Variants in MBD4 observed in about 807,000 individuals in gnomAD.
The protein encoded by MBD4 is methyl-CpG binding domain 4, DNA glycosylase, also known as methyl-CpG-binding domain protein 4.
Under a neutral mutation model 60.2 loss-of-function variants are expected in MBD4, and 53 were observed. The observed-to-expected ratio is 0.88, with a 90% confidence interval of 0.71 to 1.11. The LOEUF is 1.11. Among genes scored for constraint, MBD4 ranks in the 50% least tolerant of loss-of-function variants. The pLI is 0.00. For missense variants in MBD4, 619 were observed against 674.0 expected (o/e 0.92, Z 0.90); for synonymous variants, 231 against 229.8 (o/e 1.01, Z -0.05).
Position 129,432,504 on chromosome 3 carries a change from T to C in MBD4, c.1646A>G (p.Gln549Arg). The C allele has an allele frequency of 6.2e-7, 1 of 1,614,252 alleles. No homozygotes were observed. The highest frequency in any genetic ancestry group is 8.5e-7 in the Non-Finnish European group (1 of 1,180,034). The change falls in exon 7 of 8, where the codon CAG becomes CGG. Residue 549 changes from glutamine (Q) to arginine (R), a missense_variant and splice_region_variant. By Grantham distance (43) the Gln-to-Arg change is conservative. Coordinates refer to ENST00000429544, the MANE Select transcript of MBD4 (RefSeq NM_001276270.2). ...ATTATGGATGGGAGTGAGCCTCACC[T>C]GCTTCCACTCATTGACACAAAAAAT... ...YRIFCVNEWK[Q>R]VHPEDHKLNK...
chr3:129,438,761 A>AC (rs200774914), intron 1 of MBD4, among the ~76,000 whole-genome samples: 5,714 of 150,840 alleles, frequency 0.038, 314 homozygotes, highest in African/African-American at 0.12. Context: ...GAAAAAAAAA[A>AC]CCCAAAAAAA....
intron 1 of MBD4, among the ~76,000 whole-genome samples, chr3:129,438,302 T>C (rs1420218849): frequency 6.6e-6 from 1 of 152,160 alleles, no homozygotes; most frequent in Non-Finnish European, 1.5e-5. Context: ...CACCAGAAAA[T>C]GCTTAAATAA....
rs548156390 is a variant in MBD4, at chr3:129,438,288, T to C, written c.105-338A>G. On this transcript the variant is annotated intron_variant, in intron 1 of 7. Coordinates refer to ENST00000429544, the MANE Select transcript of MBD4 (RefSeq NM_001276270.2). Reference sequence around the variant, plus strand: ...GAATATGAACCAATAGCTAAGCTCTTAAGCACCAGAAAATGCTTAAATAAA... The same window carrying C: ...GAATATGAACCAATAGCTAAGCTCTCAAGCACCAGAAAATGCTTAAATAAA... 4.6e-5 allele frequency among the ~76,000 whole-genome samples: 7 copies of C among 152,350 alleles called. No individual in the cohort carries two copies. The East Asian group carries it at 1.3e-3, about 29-fold the overall frequency.
At position 129,437,895 on chromosome 3, in the gene MBD4, T is replaced by A; in HGVS notation, c.160A>T (p.Met54Leu). ...TTACATTCACTGCTTCTTTTTATCATCATTTGTTCCTCATCTTCTCCCACT... is the reference window on the plus strand; with the variant it reads ...TTACATTCACTGCTTCTTTTTATCAACATTTGTTCCTCATCTTCTCCCACT... ...ERVGEDEEQM[M>L]IKRSSECNPL... Residue 54 changes from methionine (M) to leucine (L), a missense_variant, in exon 2 of 8, where the codon ATG (methionine) becomes TTG (leucine). By Grantham distance (15) the Met-to-Leu change is conservative. Transcript: ENST00000429544. 1.2e-6 allele frequency: 2 copies of A among 1,614,092 alleles called. No homozygotes were observed. Among genetic ancestry groups the A allele is most frequent in the South Asian group, 1.1e-5 (1 of 91,086 alleles).
In MBD4 at chr3:129,434,152, A is replaced by G; in HGVS notation, c.1184-16T>C. 1 of 1,599,886 alleles carries G rather than the reference A, an allele frequency of 6.3e-7. No homozygotes were observed. The highest frequency in any genetic ancestry group is 8.6e-7 in the Non-Finnish European group (1 of 1,167,132). On this transcript the variant is annotated splice_polypyrimidine_tract_variant and intron_variant, in intron 3 of 7. Coordinates refer to ENST00000429544, the MANE Select transcript of MBD4 (RefSeq NM_001276270.2). ...ATGGTATCTTCTGAAAAGGAAAAGT[A>G]AACACTTTATGGAGTCTATGGTTTA...
intron 1 of MBD4, among the ~76,000 whole-genome samples, chr3:129,438,670 A>G (rs2072563855): frequency 6.6e-6 from 1 of 151,810 alleles, no homozygotes; most frequent in Non-Finnish European, 1.5e-5. Context: ...CTTTGGGAGG[A>G]GGAAGTGGGA....
chr3:129,432,728 AC>A, intron 6 of MBD4, 122 bp from the exon 7 acceptor site: 1 of 931,694 alleles, frequency 1.1e-6, no homozygotes, highest in Non-Finnish European at 1.7e-6. Context: ...TTTCCCAGCA[AC>A]CCCAGTTGTG....
intron 3 of MBD4, among the ~76,000 whole-genome samples, chr3:129,435,084 G>C (rs1434560862): frequency 6.6e-6 from 1 of 152,164 alleles, no homozygotes; most frequent in African/African-American, 2.4e-5. Context: ...TACAGATGAA[G>C]AAAGTGAAGC....
chr3:129,437,285 G>A lies in MBD4; in HGVS notation c.359C>T (p.Ser120Phe). ...FISPQGLKFRSKSSLANYLHK... is the reference protein window; with the variant it reads ...FISPQGLKFRFKSSLANYLHK... ...AAGATAATTAGCAAGTGAACTTTTG[G>A]ATCTGAACTTCAGTCCTTGTGGGCT... The change falls in exon 3 of 8, where the codon TCC becomes TTC. Residue 120 changes from serine to phenylalanine, a missense_variant. Coordinates refer to ENST00000429544, the MANE Select transcript of MBD4 (RefSeq NM_001276270.2). The A allele has an allele frequency of 6.2e-7, 1 of 1,607,796 alleles. No individual in the cohort carries two copies. The highest frequency in any genetic ancestry group is 8.5e-7 in the Non-Finnish European group (1 of 1,179,652).
chr3:129,434,283 A>C, intron 3 of MBD4, 147 bp from the exon 4 acceptor site: 1 of 705,302 alleles, frequency 1.4e-6, no homozygotes, highest in Non-Finnish European at 2.5e-6. Flanking sequence ...AATCTAACTA[A>C]TGACCCATGA....
At position 129,437,822 on chromosome 3, in the gene MBD4, G is replaced by A. The variant is rs907961857; in HGVS notation, c.233C>T (p.Ala78Val). 6.2e-7 allele frequency: 1 copy of A among 1,613,900 alleles called. No individual in the cohort carries two copies. The highest frequency in any genetic ancestry group is 1.3e-5 in the African/African-American group (1 of 75,022). Reference sequence around the variant, plus strand: ...GACAGACTTACGGCATTCTGTTCCTGCAGTAGCACCAAACTGAGCAGAAGC... The same window carrying A: ...GACAGACTTACGGCATTCTGTTCCTACAGTAGCACCAAACTGAGCAGAAGC... ...PIASAQFGAT[A>V]GTECRKSVPC... Residue 78 changes from alanine (A) to valine (V), a missense_variant, in exon 2 of 8, where the codon GCA (alanine) becomes GTA (valine). Ala to Val is a moderately conservative substitution (Grantham distance 64). Transcript: ENST00000429544.
intron 4 of MBD4, 32 bp from the exon 5 acceptor site, chr3:129,434,016 C>G: frequency 6.2e-7 from 1 of 1,614,118 alleles, no homozygotes; most frequent in Non-Finnish European, 8.5e-7. Context: ...GAATTGAAAA[C>G]CCAAAATGGA....
At position 129,431,483 on chromosome 3, in the gene MBD4, G is replaced by C; in HGVS notation, c.*18C>G. The C allele has an allele frequency of 1.2e-6, 2 of 1,600,114 alleles. No individual in the cohort carries two copies. The highest frequency in any genetic ancestry group is 1.7e-6 in the Non-Finnish European group (2 of 1,168,136). On this transcript the variant is annotated 3_prime_UTR_variant, in exon 8 of 8. Transcript: ENST00000429544. ...GTGCAAAGCTATGCATAACAGATGA[G>C]CTTGAAAGCTGCAGAGTTTAAGATA... is the stretch of plus-strand genomic sequence containing the variant.
Position 129,436,647 on chromosome 3 carries a change from T to A in MBD4, c.997A>T (p.Ile333Leu), listed in dbSNP as rs994641746. 1 of 1,614,190 alleles carries A rather than the reference T, an allele frequency of 6.2e-7. No individual in the cohort carries two copies. The highest frequency in any genetic ancestry group is 2.2e-5 in the East Asian group (1 of 44,880). The change falls in exon 3 of 8, where the codon ATA becomes TTA. Residue 333 changes from isoleucine to leucine, a missense_variant. Physicochemically the swap from Ile to Leu is conservative, Grantham distance 5 (BLOSUM62 2). Transcript: ENST00000429544. The stretch of plus-strand genomic sequence containing the variant: ...TCTTTGGCTGAACAAAATTTGTTTA[T>A]GATGCCAGAAGTTTTTTGTTCAGAA... Reference protein sequence around the residue: ...FCSEQKTSGIINKFCSAKDSE... With the variant: ...FCSEQKTSGILNKFCSAKDSE...
chr3:129,437,448 A>G, intron 2 of MBD4, 140 bp from the exon 3 acceptor site: 1 of 723,016 alleles, frequency 1.4e-6, no homozygotes, highest in Non-Finnish European at 2.3e-6. Flanking sequence ...AAGAGTGATA[A>G]ATGGCACTTT....
Position 129,434,121 on chromosome 3 carries a change from C to A in MBD4, c.1199G>T (p.Arg400Leu). Reference protein sequence around the residue: ...RKDFTEDTIPRTQIERRKTSL... With the variant: ...RKDFTEDTIPLTQIERRKTSL... ...TGTTTTCCTTCTTTCTATCTGTGTT[C>A]GTGGGATGGTATCTTCTGAAAAGGA... Residue 400 changes from arginine (R) to leucine (L), a missense_variant, in exon 4 of 8, where the codon CGA becomes CTA. Coordinates refer to ENST00000429544, the MANE Select transcript of MBD4 (RefSeq NM_001276270.2). 6.2e-7 allele frequency: 1 copy of A among 1,613,740 alleles called. No homozygotes were observed. Among genetic ancestry groups the A allele is most frequent in the South Asian group, 1.1e-5 (1 of 91,034 alleles).
intron 6 of MBD4, 115 bp from the exon 7 acceptor site, chr3:129,432,721 C>T (rs954124744): frequency 1.0e-6 from 1 of 956,064 alleles, no homozygotes; most frequent in Admixed American, 1.8e-5. Flanking sequence ...AAGGCTCTTT[C>T]CCAGCAACCC....
In MBD4 at chr3:129,434,193, G is replaced by C. The variant is rs140694; in HGVS notation, c.1184-57C>G. 0.11 allele frequency: 151,366 copies of C among 1,323,848 alleles called. 10,540 individuals carry two copies. Among genetic ancestry groups the C allele is most frequent in the South Asian group, 0.25 (21,032 of 85,032 alleles). The allele number at this position is 1,323,848 out of a possible 1,614,324, so 82.0% of individuals were successfully genotyped here. On this transcript the variant is annotated intron_variant, in intron 3 of 7. Coordinates refer to ENST00000429544, the MANE Select transcript of MBD4 (RefSeq NM_001276270.2). ...CTATGGTTTAGCTTAAAGCAATATT[G>C]AGGGATGCAAATAATAATATCAACA...
Position 129,430,960 on chromosome 3 carries a change from T to A in MBD4, c.*541A>T, listed in dbSNP as rs2107747013. On this transcript the variant is annotated 3_prime_UTR_variant, in exon 8 of 8. Transcript: ENST00000429544. ...AGAGGAATCTTATTTGTCTTTGGGG[T>A]CAGCTTTTATTTTTATTTTTTAAAT... 1 of 154,404 alleles carries A rather than the reference T, an allele frequency of 6.5e-6. No homozygotes were observed. The highest frequency in any genetic ancestry group is 6.4e-5 in the Admixed American group (1 of 15,602). The allele number at this position is 154,404 out of a possible 1,614,324, so 9.6% of individuals were successfully genotyped here. A position where few individuals can be genotyped will look rare whatever the true frequency, so the allele number is the denominator to read the frequency against.
Sources: gnomAD v4.1 joint callset for allele counts (sites outside exome capture counted in the v4.1 genomes callset) on GRCh38, gnomAD v4.1.1 for gene constraint, MANE v1.5 for transcripts, NCBI Gene and HGNC (gene_info 2026-07-23, HGNC 2026-07-21) for gene names.